The following ASAH2 variants were observed in gnomAD, a reference collection of about 807,000 sequenced individuals.
The protein encoded by ASAH2 is neutral ceramidase.
A neutral mutation model predicts 82.9 loss-of-function variants in ASAH2; 58 were observed. The observed-to-expected ratio is 0.70, with a 90% CI of 0.57 to 0.87. The LOEUF (loss-of-function observed/expected upper bound fraction) is 0.87, where lower values mean the gene tolerates loss of function less well. Among genes scored for constraint, ASAH2 ranks in the 40% least tolerant of loss-of-function variants. The pLI is 0.00. For synonymous variants in ASAH2, 276 were observed against 289.7 expected (o/e 0.95, Z 0.48); for missense variants, 779 against 834.0 (o/e 0.93, Z 0.81).
intron 18 of ASAH2, among the ~76,000 whole-genome samples, chr10:50,193,156 C>A (rs1844884312): frequency 7.0e-6 from 1 of 141,898 alleles, no homozygotes; most frequent in African/African-American, 2.6e-5. Context: ...TATCCTCCCC[C>A]CTGAAACGAC....
Position 50,213,053 on chromosome 10 carries a change from G to T in ASAH2, c.1146C>A (p.Ser382Arg), listed in dbSNP as rs1453826408. The T allele has an allele frequency of 3.7e-6, 6 of 1,612,662 alleles. No homozygotes were observed. The Admixed American group carries it at 1.0e-4, about 27-fold the overall frequency. Residue 382 changes from serine (S) to arginine (R), a missense_variant, in exon 10 of 21, where the codon AGC becomes AGA. By Grantham distance (110) the Ser-to-Arg change is moderately radical. Around this residue, in one of 3 missense-constraint regions of ASAH2, gnomAD observed 759 missense variants for 755.2 expected, o/e 1.00. Coordinates refer to ENST00000682911, the MANE Select transcript of ASAH2 (RefSeq NM_019893.4). ...ANSTCPIGGP[S>R]MCIAKGPGQD... ...GTCCAGGTCCCTTAGCAATGCACAT[G>T]CTAGGCTGGAACAAAATAAGATATG...
intron 8 of ASAH2, among the ~76,000 whole-genome samples, chr10:50,217,778 A>G (rs1182777316): frequency 2.0e-5 from 3 of 152,188 alleles, no homozygotes; most frequent in Admixed American, 2.0e-4. Flanking sequence ...ATATCTTTAT[A>G]AGGGAATATT....
chr10:50,233,008 G>A (rs956177893), intron 7 of ASAH2, among the ~76,000 whole-genome samples, 176 bp downstream of exon 7: 1 of 152,076 alleles, frequency 6.6e-6, no homozygotes, highest in Non-Finnish European at 1.5e-5. Context: ...CTGAGAGACT[G>A]AGAACCCTGT....
chr10:50,210,772 C>A, intron 12 of ASAH2, 51 bp downstream of exon 12: 3 of 1,393,472 alleles, frequency 2.2e-6, no homozygotes, highest in South Asian at 1.1e-5. Flanking sequence ...GAGAACAGAA[C>A]CCAGAAGCTT....
At chr10:50,238,568 A>T (rs1337967435) in intron 4 of ASAH2, among the ~76,000 whole-genome samples, 1 of 152,196 alleles carries the variant, frequency 6.6e-6, no homozygotes, top group Non-Finnish European at 1.5e-5. Flanking sequence ...AAATGTATAA[A>T]GAGAAGAGAA....
chr10:50,187,084 C>CCT lies in ASAH2; in HGVS notation c.*229_*230dup, dbSNP rs1554902359. The CCT allele has an allele frequency of 7.6e-3, 1,370 of 180,632 alleles. 7 individuals are homozygous for CCT. The highest frequency in any genetic ancestry group is 0.015 in the South Asian group (307 of 20,562). The allele number at this position is 180,632 out of a possible 1,614,324, so 11.2% of individuals were successfully genotyped here. A position where few individuals can be genotyped will look rare whatever the true frequency, so the allele number is the denominator to read the frequency against. Reference sequence around the variant, plus strand: ...GCTGGAGCAAGATATATGGGACAAACCTCTCTCTCTCTCTCTCTCTCTCTC... The same window carrying CCT: ...GCTGGAGCAAGATATATGGGACAAACCTCTCTCTCTCTCTCTCTCTCTCTCTC... On this transcript the variant is annotated 3_prime_UTR_variant, in exon 21 of 21. Transcript: ENST00000682911.
chr10:50,217,149 C>T (rs1298695593), intron 8 of ASAH2, among the ~76,000 whole-genome samples: 1 of 152,066 alleles, frequency 6.6e-6, no homozygotes, highest in Non-Finnish European at 1.5e-5. Context: ...AAAAAAGAGC[C>T]TGGCTTCTTC....
At chr10:50,232,447 G>T (rs1222394382) in intron 7 of ASAH2, among the ~76,000 whole-genome samples, 2 of 152,062 alleles carry the variant, frequency 1.3e-5, no homozygotes, top group African/African-American at 4.8e-5. Flanking sequence ...AGCACTATCT[G>T]GTACTTCCCT....
intron 15 of ASAH2, among the ~76,000 whole-genome samples, chr10:50,203,373 T>C (rs1845209612): frequency 6.6e-6 from 1 of 152,002 alleles, no homozygotes; most frequent in South Asian, 2.1e-4. Context: ...GATATTGAGG[T>C]ACTTAGAGGT....
chr10:50,239,497 C>T (rs1365138348), intron 4 of ASAH2, among the ~76,000 whole-genome samples: 1 of 152,130 alleles, frequency 6.6e-6, no homozygotes, highest in African/African-American at 2.4e-5. Flanking sequence ...CTGCTAATGA[C>T]CGTACTATTT....
rs544968746 is a variant in ASAH2 at position 50,206,537 on chromosome 10, T to TACACACACACACACAC, written c.1415-456_1415-441dup. On this transcript the variant is annotated intron_variant, in intron 12 of 20. Transcript: ENST00000682911. Reference sequence around the variant, plus strand: ...ATAATTTCTCCTGAATTTAGTTATCTACACACACACACACACACACACACA... The same window carrying TACACACACACACACAC: ...ATAATTTCTCCTGAATTTAGTTATCTACACACACACACACACACACACACACACACACACACACACA... 6.3e-4 allele frequency among the ~76,000 whole-genome samples: 83 copies of TACACACACACACACAC among 130,824 alleles called. 1 individual carries two copies. Among genetic ancestry groups the TACACACACACACACAC allele is most frequent in the African/African-American group, 1.0e-3 (36 of 35,290 alleles). 85.8% of individuals were successfully genotyped at this position (130,824 alleles called of 152,430 possible).
chr10:50,214,682 T>C, intron 9 of ASAH2, 61 bp downstream of exon 9: 1 of 1,594,694 alleles, frequency 6.3e-7, no homozygotes, highest in Non-Finnish European at 8.6e-7. Context: ...ATGATAAATA[T>C]TCAAACATAA....
intron 7 of ASAH2, among the ~76,000 whole-genome samples, chr10:50,220,108 A>G (rs1845703203): frequency 6.6e-6 from 1 of 152,236 alleles, no homozygotes; most frequent in Admixed American, 6.5e-5. Flanking sequence ...TCTGATTCAA[A>G]CAAAACAACT....
chr10:50,235,771 T>C (rs1846144190), intron 5 of ASAH2, 117 bp downstream of exon 5: 3 of 1,114,134 alleles, frequency 2.7e-6, no homozygotes, highest in African/African-American at 3.1e-5. Flanking sequence ...GAATTGTACA[T>C]GCTAATACTA....
intron 12 of ASAH2, 26 bp downstream of exon 12, chr10:50,210,797 A>G (rs1845432464): frequency 1.3e-6 from 2 of 1,550,906 alleles, no homozygotes; most frequent in Non-Finnish European, 1.8e-6. Context: ...AGCTGAAACC[A>G]TAGATTTTAC....
chr10:50,231,274 C>T (rs1589348606), intron 7 of ASAH2, among the ~76,000 whole-genome samples: 1 of 151,998 alleles, frequency 6.6e-6, no homozygotes, highest in South Asian at 2.1e-4. Context: ...CTTTCCAGTC[C>T]ACCTTTTACC....
chr10:50,220,051 A>ATACAT (rs1390381228), intron 7 of ASAH2, among the ~76,000 whole-genome samples: 2 of 152,244 alleles, frequency 1.3e-5, no homozygotes, highest in Non-Finnish European at 2.9e-5. Context: ...GGGAACTGCT[A>ATACAT]TACATTAAGA....
intron 17 of ASAH2, 147 bp downstream of exon 17, chr10:50,198,904 A>C: frequency 1.2e-6 from 1 of 843,408 alleles, no homozygotes; most frequent in South Asian, 1.4e-5. Flanking sequence ...TGTAAAATAT[A>C]AAGGTTGTCA....
chr10:50,223,458 T>G (rs1845798911), intron 7 of ASAH2, among the ~76,000 whole-genome samples: 1 of 152,094 alleles, frequency 6.6e-6, no homozygotes, highest in Non-Finnish European at 1.5e-5. Flanking sequence ...AGAGGATGCG[T>G]TTGTGTAACT....
Sources: gnomAD v4.1 joint callset for allele counts (sites outside exome capture counted in the v4.1 genomes callset) on GRCh38, gnomAD v4.1.1 for gene constraint, gnomAD v4.1.1 regional missense constraint, MANE v1.5 for transcripts, NCBI Gene and HGNC (gene_info 2026-07-23, HGNC 2026-07-21) for gene names.